ADAM19: variants seen among roughly 807,000 people sequenced by gnomAD.
ADAM19 encodes ADAM metallopeptidase domain 19.
In ADAM19, 65 loss-of-function variants were observed where a neutral mutation model predicts 114.7. The observed-to-expected ratio is 0.57, with a 90% CI of 0.46 to 0.70. The LOEUF (loss-of-function observed/expected upper bound fraction) is 0.70. Among genes scored for constraint, ADAM19 ranks in the 30% least tolerant of loss-of-function variants. ADAM19 has a pLI of 0.00. For missense variants in ADAM19, 1,063 were observed against 1,204.7 expected (o/e 0.88, Z 1.74); for synonymous variants, 466 against 460.5 (o/e 1.01, Z -0.15).
intron 8 of ADAM19, among the ~76,000 whole-genome samples, chr5:157,511,153 C>T (rs113322401): frequency 5.2e-4 from 79 of 152,280 alleles, no homozygotes; most frequent in African/African-American, 1.8e-3. Context: ...ACAACGGGTT[C>T]TTTGATGGGT....
intron 2 of ADAM19, among the ~76,000 whole-genome samples, chr5:157,565,485 G>A (rs796207372): frequency 1.6e-4 from 24 of 152,230 alleles, no homozygotes; most frequent in African/African-American, 5.8e-4. Flanking sequence ...TTGGGAGGCC[G>A]AGGCAGGCAG....
intron 3 of ADAM19, among the ~76,000 whole-genome samples, chr5:157,552,677 CAAA>C (rs778402112): frequency 3.4e-5 from 2 of 59,370 alleles, no homozygotes; most frequent in South Asian, 6.0e-4. Flanking sequence ...GGACTCTACT[CAAA>C]AAAAAAAAAA....
At position 157,575,757 on chromosome 5, in the gene ADAM19, C is replaced by G. The variant is rs1187682643; in HGVS notation, c.-61G>C. The G allele has an allele frequency of 2.4e-5, 29 of 1,193,622 alleles. No individual in the cohort carries two copies. The highest frequency in any genetic ancestry group is 2.7e-5 in the Non-Finnish European group (26 of 948,168). 73.9% of individuals were successfully genotyped at this position (1,193,622 alleles called of 1,614,324 possible). The stretch of plus-strand genomic sequence containing the variant: ...CCCTCAGCCATACCTGCCCACTGCC[C>G]GGCGGTGGAGGCGCGTCTGGAACCC... On this transcript the variant is annotated 5_prime_UTR_variant, in exon 1 of 23. Coordinates refer to ENST00000257527, the MANE Select transcript of ADAM19 (RefSeq NM_033274.5).
intron 2 of ADAM19, among the ~76,000 whole-genome samples, chr5:157,569,559 T>C (rs980284169): frequency 1.3e-5 from 2 of 151,888 alleles, no homozygotes; most frequent in Admixed American, 1.3e-4. Context: ...GCACTTGGTC[T>C]GTCCTAAAAT....
chr5:157,548,414 T>C (rs1254649022), intron 3 of ADAM19, among the ~76,000 whole-genome samples: 1 of 152,192 alleles, frequency 6.6e-6, no homozygotes, highest in Non-Finnish European at 1.5e-5. Flanking sequence ...CAATATTTGT[T>C]TAATGAAGGA....
In ADAM19 at chr5:157,490,305, C is replaced by A; in HGVS notation, c.2240+5G>T. The A allele has an allele frequency of 6.2e-7, 1 of 1,614,082 alleles. No individual in the cohort carries two copies. The highest frequency in any genetic ancestry group is 1.1e-5 in the South Asian group (1 of 91,054). ...CCCTGAGTCCTCCATTGAACCCTGT[C>A]ATACCTGAACTGTTGCCTCAGCTTG... On this transcript the variant is annotated splice_donor_5th_base_variant and intron_variant, in intron 19 of 22. Transcript: ENST00000257527.
Position 157,477,831 on chromosome 5 carries a change from C to T in ADAM19, c.*3118G>A. 1 of 805,426 alleles carries T rather than the reference C, an allele frequency of 1.2e-6. No individual in the cohort carries two copies. The highest frequency in any genetic ancestry group is 1.4e-5 in the South Asian group (1 of 69,714). 49.9% of individuals were successfully genotyped at this position (805,426 alleles called of 1,614,324 possible). ...AGGAGGTGGGGAGGGGCTATTGCTTCAGGGGGAAGGGACTATGGCAATACA... is the reference window on the plus strand; with the variant it reads ...AGGAGGTGGGGAGGGGCTATTGCTTTAGGGGGAAGGGACTATGGCAATACA... On this transcript the variant is annotated 3_prime_UTR_variant, in exon 23 of 23. Coordinates refer to ENST00000257527, the MANE Select transcript of ADAM19 (RefSeq NM_033274.5).
rs1405816742 is a variant in ADAM19, at chr5:157,519,892, T to C, written c.547A>G (p.Thr183Ala). The C allele has an allele frequency of 1.2e-6, 2 of 1,614,068 alleles. No homozygotes were observed. Among genetic ancestry groups the C allele is most frequent in the East Asian group, 2.2e-5 (1 of 44,876 alleles). ...GTAAACTGAAGAGCCCAGTCCCTGG[T>C]GGTGGGCTTGGAGTGCTCGAACCCA... ...NCGFEHSKPT[T>A]RDWALQFTQQ... Residue 183 changes from threonine to alanine, a missense_variant, in exon 6 of 23, where the codon ACC becomes GCC. By Grantham distance (58) the Thr-to-Ala change is moderately conservative (BLOSUM62 0). Transcript: ENST00000257527.
chr5:157,526,173 T>TATACAC (rs1554081613), intron 5 of ADAM19, among the ~76,000 whole-genome samples: 3 of 109,214 alleles, frequency 2.7e-5, no homozygotes, highest in African/African-American at 1.1e-4. Flanking sequence ...TATATATATA[T>TATACAC]ACACACACAC....
rs762086190 is a variant in ADAM19, at chr5:157,493,089, T to C, written c.1792A>G (p.Met598Val). ...NAVPIDTTII[M>V]NGRQIQCRGT... ...CGGCACTGGATCTGCCTCCCATTCA[T>C]GATGATAGTGGTGTCAATGGGCACC... Residue 598 changes from methionine to valine, a missense_variant, in exon 16 of 23, where the codon ATG becomes GTG. Coordinates refer to ENST00000257527, the MANE Select transcript of ADAM19 (RefSeq NM_033274.5). 4 of 1,614,208 alleles carry C rather than the reference T, an allele frequency of 2.5e-6. No homozygotes were observed. Among genetic ancestry groups the C allele is most frequent in the East Asian group, 2.2e-5 (1 of 44,886 alleles).
chr5:157,538,002 T>C lies in ADAM19; in HGVS notation c.252-11A>G, dbSNP rs747644294. 6.2e-7 allele frequency: 1 copy of C among 1,608,176 alleles called. No individual in the cohort carries two copies. Among genetic ancestry groups the C allele is most frequent in the African/African-American group, 1.3e-5 (1 of 74,760 alleles). The stretch of plus-strand genomic sequence containing the variant: ...GGAGCAAAAAGTTGCCTGCAAAAAA[T>C]AAAAAGAGACATTTATATCATAAGT... On this transcript the variant is annotated splice_polypyrimidine_tract_variant and intron_variant, in intron 3 of 22. Coordinates refer to ENST00000257527, the MANE Select transcript of ADAM19 (RefSeq NM_033274.5).
rs1209824936 is a variant in ADAM19, at chr5:157,519,952, T to C, written c.487A>G (p.Arg163Gly). The change falls in exon 6 of 23, where the codon AGA (arginine) becomes GGA (glycine). Residue 163 changes from arginine (R) to glycine (G), a missense_variant. Arg to Gly is a moderately radical substitution (Grantham distance 125). Coordinates refer to ENST00000257527, the MANE Select transcript of ADAM19 (RefSeq NM_033274.5). ...PDSKGQHLIY[R>G]SEHLKPPPGN... ...GGGGGCGGCTTGAGATGTTCAGATC[T>C]GTAAATAAGGTGTTGGCCCTTGCTG... The C allele has an allele frequency of 6.2e-7, 1 of 1,614,148 alleles. No individual in the cohort carries two copies. The highest frequency in any genetic ancestry group is 1.7e-5 in the Admixed American group (1 of 60,016).
In ADAM19 at chr5:157,537,822, G is replaced by C. The variant is rs1035420364; in HGVS notation, c.330+91C>G. The C allele has an allele frequency of 1.7e-4, 201 of 1,194,314 alleles. 3 individuals carry two copies. The Middle Eastern group carries it at 2.2e-3, about 13-fold the overall frequency. The allele number at this position is 1,194,314 out of a possible 1,614,324, so 74.0% of individuals were successfully genotyped here. On this transcript the variant is annotated intron_variant, in intron 4 of 22. Coordinates refer to ENST00000257527, the MANE Select transcript of ADAM19 (RefSeq NM_033274.5). ...TGGGGGAAACACTCCCTTCAGAGGAGAGACCAACTCCATCAGGCATCTCCT... is the reference window on the plus strand; with the variant it reads ...TGGGGGAAACACTCCCTTCAGAGGACAGACCAACTCCATCAGGCATCTCCT...
intron 5 of ADAM19, among the ~76,000 whole-genome samples, chr5:157,526,464 T>A (rs1307586961): frequency 1.3e-5 from 2 of 152,156 alleles, no homozygotes; most frequent in African/African-American, 4.8e-5. Context: ...GACAGTGAGC[T>A]ACAGACTCAC....
chr5:157,546,219 T>C (rs893166110), intron 3 of ADAM19, among the ~76,000 whole-genome samples: 3 of 152,236 alleles, frequency 2.0e-5, no homozygotes, highest in African/African-American at 7.2e-5. Flanking sequence ...TCTTCCTTCC[T>C]GGAACAGCTG....
rs746505080 is a variant in ADAM19 at position 157,505,635 on chromosome 5, T to A, written c.1130+34A>T. On this transcript the variant is annotated intron_variant, in intron 11 of 22. Coordinates refer to ENST00000257527, the MANE Select transcript of ADAM19 (RefSeq NM_033274.5). ...TCACACTGTCCAGGTGTGCCCGCCC[T>A]CCTCCCCATCCTCCCTCTTGCTGTT... 17 of 1,609,950 alleles carry A rather than the reference T, an allele frequency of 1.1e-5. No homozygotes were observed. The East Asian group carries it at 3.8e-4, about 36-fold the overall frequency.
At chr5:157,526,412 A>G (rs1273411078) in intron 5 of ADAM19, among the ~76,000 whole-genome samples, 1 of 152,210 alleles carries the variant, frequency 6.6e-6, no homozygotes, top group Non-Finnish European at 1.5e-5. Flanking sequence ...AAATTTTTAA[A>G]AAAGTAAACA....
intron 5 of ADAM19, among the ~76,000 whole-genome samples, chr5:157,526,887 C>G (rs1405171639): frequency 6.6e-6 from 1 of 152,152 alleles, no homozygotes; most frequent in Non-Finnish European, 1.5e-5. Flanking sequence ...TCCCAAAGTG[C>G]TGGAATTACA....
chr5:157,567,623 C>A (rs1297977465), intron 2 of ADAM19, among the ~76,000 whole-genome samples: 2 of 152,064 alleles, frequency 1.3e-5, no homozygotes, highest in African/African-American at 2.4e-5. Flanking sequence ...CATGGAGAAA[C>A]CCCATCTCTA....
Sources: gnomAD v4.1 joint callset for allele counts (sites outside exome capture counted in the v4.1 genomes callset) on GRCh38, gnomAD v4.1.1 for gene constraint, MANE v1.5 for transcripts, NCBI Gene and HGNC (gene_info 2026-07-23, HGNC 2026-07-21) for gene names.